The following CD1B variants were observed in gnomAD, a reference collection of about 807,000 sequenced individuals.
CD1B encodes the protein T-cell surface glycoprotein CD1b.
A neutral mutation model predicts 39.8 loss-of-function variants in CD1B; 43 were observed. The ratio of observed to expected loss-of-function variants is 1.08; its 90% CI spans 0.85 to 1.39. The LOEUF (loss-of-function observed/expected upper bound fraction) is 1.39. Ranked by LOEUF, CD1B falls within the 40% of genes most tolerant of loss-of-function variation. CD1B has a pLI of 0.00. For synonymous variants in CD1B, 192 were observed against 152.5 expected (o/e 1.26, Z -1.91); for missense variants, 495 against 403.8 (o/e 1.23, Z -1.94).
chr1:158,285,568 A>G, the CD1B span, among the ~76,000 whole-genome samples: 1 of 152,218 alleles, frequency 6.6e-6, no homozygotes, highest in African/African-American at 2.4e-5. Flanking sequence ...ACATTAAGAC[A>G]AAGAAGCCCA....
the CD1B span, among the ~76,000 whole-genome samples, chr1:158,311,108 T>G: frequency 6.6e-6 from 1 of 152,220 alleles, no homozygotes; most frequent in Admixed American, 6.5e-5. Flanking sequence ...TTAATGGGTA[T>G]GTAGTATATT....
At chr1:158,320,192 C>A in the CD1B span, among the ~76,000 whole-genome samples, 8 of 152,226 alleles carry the variant, frequency 5.3e-5, no homozygotes, top group African/African-American at 1.9e-4. Flanking sequence ...CCACCCAGTT[C>A]GAGCTTCCTG....
In CD1B at chr1:158,328,114, C is replaced by T. The variant is rs1652427803; in HGVS notation, c.*122G>A. 1 of 775,680 alleles carries T rather than the reference C, an allele frequency of 1.3e-6. No individual in the cohort carries two copies. The highest frequency in any genetic ancestry group is 2.2e-6 in the Non-Finnish European group (1 of 461,474). 48.0% of individuals were successfully genotyped at this position (775,680 alleles called of 1,614,324 possible). A position where few individuals can be genotyped will look rare whatever the true frequency, so the allele number is the denominator to read the frequency against. On this transcript the variant is annotated 3_prime_UTR_variant, in exon 6 of 6. Coordinates refer to ENST00000368168, the MANE Select transcript of CD1B (RefSeq NM_001764.3). ...TTAAATAATAATTTATTTTAAAATA[C>T]ATGAAAACTCTGATTTCATCAAATT... is the stretch of plus-strand genomic sequence containing the variant.
the CD1B span, among the ~76,000 whole-genome samples, chr1:158,315,925 C>A: frequency 6.6e-6 from 1 of 151,982 alleles, no homozygotes; most frequent in Non-Finnish European, 1.5e-5. Flanking sequence ...ATCCTTTCCC[C>A]ATTGCTGGTT....
chr1:158,288,686 C>T, the CD1B span, among the ~76,000 whole-genome samples: 10 of 152,218 alleles, frequency 6.6e-5, no homozygotes, highest in Non-Finnish European at 1.3e-4. Context: ...AGTCATTGTG[C>T]CTAGCACAAA....
intron 4 of CD1B, 132 bp downstream of exon 4, chr1:158,329,238 T>G: frequency 8.3e-7 from 1 of 1,208,022 alleles, no homozygotes; most frequent in Non-Finnish European, 1.2e-6. Flanking sequence ...CCTGTTGGGA[T>G]TGGGGTCAGG....
chr1:158,316,372 C>T, the CD1B span, among the ~76,000 whole-genome samples: 1 of 151,838 alleles, frequency 6.6e-6, no homozygotes, highest in Non-Finnish European at 1.5e-5. Context: ...AGGTCCTTCA[C>T]ATCCCTTGTA....
At chr1:158,309,677 T>C in the CD1B span, among the ~76,000 whole-genome samples, 1 of 152,128 alleles carries the variant, frequency 6.6e-6, no homozygotes, top group Admixed American at 6.6e-5. Context: ...TCATGTCCTT[T>C]GTAGGGACAT....
chr1:158,321,163 T>C, the CD1B span, among the ~76,000 whole-genome samples: 1 of 152,258 alleles, frequency 6.6e-6, no homozygotes, highest in Non-Finnish European at 1.5e-5. Flanking sequence ...TATTAGCATT[T>C]GCTTTATATA....
the CD1B span, among the ~76,000 whole-genome samples, chr1:158,285,800 C>T: frequency 5.9e-5 from 9 of 151,998 alleles, no homozygotes; most frequent in South Asian, 4.1e-4. Context: ...GGAGGATATA[C>T]GCTAGCCACA....
At chr1:158,296,991 G>C in the CD1B span, among the ~76,000 whole-genome samples, 1 of 152,172 alleles carries the variant, frequency 6.6e-6, no homozygotes, top group Non-Finnish European at 1.5e-5. Context: ...CCCTGAAAGA[G>C]AGAGAGAGAG....
the CD1B span, among the ~76,000 whole-genome samples, chr1:158,310,430 C>G: frequency 1.3e-5 from 2 of 152,122 alleles, no homozygotes; most frequent in African/African-American, 4.8e-5. Flanking sequence ...ATGATGAAGA[C>G]TTCAAAAGAA....
chr1:158,294,525 T>C, the CD1B span, among the ~76,000 whole-genome samples: 1 of 152,248 alleles, frequency 6.6e-6, no homozygotes, highest in South Asian at 2.1e-4. Flanking sequence ...ATAGATTTTA[T>C]TGATGTATAA....
At chr1:158,301,568 A>T in the CD1B span, among the ~76,000 whole-genome samples, 2 of 152,170 alleles carry the variant, frequency 1.3e-5, no homozygotes, top group Non-Finnish European at 2.9e-5. Context: ...GGTGGATATG[A>T]AATTCTCGGT....
rs542234135 is a variant in CD1B, at chr1:158,328,038, T to C, written c.*198A>G. The stretch of plus-strand genomic sequence containing the variant: ...GTAAAATCAGGGTGAATCACACTGT[T>C]AGTACAGTCTCATAATAAATTTACA... On this transcript the variant is annotated 3_prime_UTR_variant, in exon 6 of 6. Coordinates refer to ENST00000368168, the MANE Select transcript of CD1B (RefSeq NM_001764.3). The C allele has an allele frequency of 8.7e-5, 48 of 548,574 alleles. No individual in the cohort carries two copies. The African/African-American group carries it at 9.0e-4, about 10-fold the overall frequency. The allele number at this position is 548,574 out of a possible 1,614,324, so 34.0% of individuals were successfully genotyped here.
At chr1:158,313,800 C>T in the CD1B span, among the ~76,000 whole-genome samples, 19 of 152,182 alleles carry the variant, frequency 1.2e-4, no homozygotes, top group African/African-American at 4.6e-4. Context: ...AGCTCCTGTG[C>T]TTTCTTTAAT....
the CD1B span, among the ~76,000 whole-genome samples, chr1:158,302,404 C>T: frequency 2.0e-5 from 3 of 151,576 alleles, no homozygotes; most frequent in Non-Finnish European, 4.4e-5. Context: ...GAAAAAAAAC[C>T]TAAAGCTAGC....
chr1:158,313,674 C>T, the CD1B span, among the ~76,000 whole-genome samples: 1 of 152,104 alleles, frequency 6.6e-6, no homozygotes, highest in African/African-American at 2.4e-5. Context: ...GAATGCTAGT[C>T]TCAAATAATA....
At chr1:158,304,697 C>A in the CD1B span, among the ~76,000 whole-genome samples, 1 of 152,196 alleles carries the variant, frequency 6.6e-6, no homozygotes, top group African/African-American at 2.4e-5. Context: ...CCAGTAGGGG[C>A]AGACTGACAC....
Sources: allele counts gnomAD v4.1 joint callset (sites outside exome capture counted in the v4.1 genomes callset), GRCh38; gene constraint gnomAD v4.1.1; transcripts MANE v1.5; gene names NCBI Gene and HGNC (gene_info 2026-07-23, HGNC 2026-07-21).